Variants in AFF1 observed in about 807,000 individuals in gnomAD.
AFF1 encodes the protein AF4/FMR2 family member 1.
A neutral mutation model predicts 121.7 loss-of-function variants in AFF1; 48 were observed. That is an observed-to-expected ratio of 0.39 (90% CI 0.31 to 0.50). The LOEUF is 0.50. Ranked by LOEUF, AFF1 falls within the 20% of genes least tolerant of loss-of-function variation. The probability of loss-of-function intolerance (pLI) is 0.76; values close to 1 mark genes in which losing one functional copy is unlikely to be tolerated. For synonymous variants in AFF1, 613 were observed against 563.0 expected (o/e 1.09, Z -1.26); for missense variants, 1,523 against 1,511.7 (o/e 1.01, Z -0.12).
At chr4:86,985,109 A>G (rs1312361154) in intron 2 of AFF1, among the ~76,000 whole-genome samples, 1 of 143,382 alleles carries the variant, frequency 7.0e-6, no homozygotes, top group East Asian at 2.0e-4. Context: ...TTATAAATAC[A>G]AATATTAATA....
chr4:87,008,531 T>G (rs1490098566), intron 2 of AFF1, among the ~76,000 whole-genome samples: 1 of 152,194 alleles, frequency 6.6e-6, no homozygotes, highest in South Asian at 2.1e-4. Flanking sequence ...TTTAAGAAAG[T>G]GGTTCTTAAT....
At chr4:87,128,717 G>C (rs1327367368) in intron 16 of AFF1, among the ~76,000 whole-genome samples, 1 of 152,160 alleles carries the variant, frequency 6.6e-6, no homozygotes, top group Non-Finnish European at 1.5e-5. Flanking sequence ...AGATACCCTT[G>C]CATTAGGCAA....
intron 8 of AFF1, among the ~76,000 whole-genome samples, chr4:87,095,510 G>A (rs1045505242): frequency 6.6e-6 from 1 of 152,174 alleles, no homozygotes; most frequent in African/African-American, 2.4e-5. Context: ...GGGTTTTTGA[G>A]CCATTATTTA....
intron 2 of AFF1, among the ~76,000 whole-genome samples, chr4:87,000,039 C>T (rs1578027898): frequency 6.6e-6 from 1 of 152,054 alleles, no homozygotes; most frequent in Non-Finnish European, 1.5e-5. Flanking sequence ...CTCCCAGTGG[C>T]CAAGGCTGGA....
In AFF1 at chr4:87,139,478, C is replaced by A. The variant is rs1051273724; in HGVS notation, c.*3777C>A. The A allele has an allele frequency of 8.6e-6, 2 of 232,174 alleles. No homozygotes were observed. The highest frequency in any genetic ancestry group is 1.1e-4 in the Admixed American group (2 of 17,736). 14.4% of individuals were successfully genotyped at this position (232,174 alleles called of 1,614,324 possible). ...CATTTCATCTGTTTACACTCTTTGC[C>A]ACTGATTAGCAGTATTTAAATCTTG... On this transcript the variant is annotated 3_prime_UTR_variant, in exon 21 of 21. Coordinates refer to ENST00000395146, the MANE Select transcript of AFF1 (RefSeq NM_001166693.3).
At chr4:87,124,108 A>G (rs1269920068) in intron 12 of AFF1, among the ~76,000 whole-genome samples, 1 of 152,248 alleles carries the variant, frequency 6.6e-6, no homozygotes, top group Admixed American at 6.5e-5. Context: ...CTAACAAGTG[A>G]GGCACAAGAA....
chr4:86,996,317 A>G (rs1202260536), intron 2 of AFF1, among the ~76,000 whole-genome samples: 2 of 152,070 alleles, frequency 1.3e-5, no homozygotes, highest in African/African-American at 4.8e-5. Flanking sequence ...GAGAAATCGG[A>G]TGGTTGCTGT....
intron 11 of AFF1, among the ~76,000 whole-genome samples, chr4:87,110,228 G>C (rs1447120717): frequency 2.0e-5 from 3 of 150,480 alleles, no homozygotes; most frequent in African/African-American, 7.3e-5. Context: ...GTATGTAATA[G>C]TTGTATATAT....
chr4:87,037,345 T>C (rs561981559), intron 2 of AFF1, among the ~76,000 whole-genome samples: 1 of 152,224 alleles, frequency 6.6e-6, no homozygotes, highest in South Asian at 2.1e-4. Context: ...GGAGTCTTGC[T>C]CTGTCACCCA....
At chr4:86,958,657 G>T (rs1560501885) in intron 2 of AFF1, among the ~76,000 whole-genome samples, 1 of 152,088 alleles carries the variant, frequency 6.6e-6, no homozygotes, top group African/African-American at 2.4e-5. Context: ...GGCAGAGGTT[G>T]CAGTGAGCCG....
intron 8 of AFF1, among the ~76,000 whole-genome samples, chr4:87,100,311 C>T (rs1417269523): frequency 6.6e-6 from 1 of 152,118 alleles, no homozygotes; most frequent in East Asian, 1.9e-4. Context: ...TAGCAAGGGC[C>T]TCCAAGAACC....
intron 2 of AFF1, chr4:87,006,867 C>G (rs944165647): frequency 2.6e-5 from 20 of 762,772 alleles, no homozygotes; most frequent in Middle Eastern, 6.3e-4. Flanking sequence ...CTGCCGCTTG[C>G]CGCCTGCCTT....
At chr4:86,962,299 T>A (rs970123937) in intron 2 of AFF1, among the ~76,000 whole-genome samples, 13 of 152,062 alleles carry the variant, frequency 8.5e-5, no homozygotes, top group Non-Finnish European at 1.5e-5. Flanking sequence ...TTGAAATCAG[T>A]TAGATCTGGG....
Position 87,125,158 on chromosome 4 carries a change from T to C in AFF1, c.2573+15T>C, listed in dbSNP as rs940529305. On this transcript the variant is annotated intron_variant, in intron 13 of 20. Coordinates refer to ENST00000395146, the MANE Select transcript of AFF1 (RefSeq NM_001166693.3). ...TCTAAAACAAAGTGAGTATAGAGATTAGCAACCACCTAATCTACGGTGATC... is the reference window on the plus strand; with the variant it reads ...TCTAAAACAAAGTGAGTATAGAGATCAGCAACCACCTAATCTACGGTGATC... 2.5e-6 allele frequency: 4 copies of C among 1,592,492 alleles called. No individual in the cohort carries two copies. Among genetic ancestry groups the C allele is most frequent in the Non-Finnish European group, 3.4e-6 (4 of 1,166,662 alleles).
chr4:86,963,124 C>T (rs1722265400), intron 2 of AFF1, among the ~76,000 whole-genome samples: 1 of 120,364 alleles, frequency 8.3e-6, no homozygotes, highest in Non-Finnish European at 1.6e-5. Context: ...TAAGATCACA[C>T]TACTGTACTC....
intron 4 of AFF1, chr4:87,047,963 T>C (rs1217418726): frequency 3.7e-6 from 1 of 267,460 alleles, no homozygotes; most frequent in African/African-American, 2.2e-5. Flanking sequence ...TTCAGGAAGG[T>C]TTTCAGGTGT....
At position 87,037,772 on chromosome 4, in the gene AFF1, G is replaced by A. The variant is rs188258777; in HGVS notation, c.39-8394G>A. On this transcript the variant is annotated intron_variant, in intron 2 of 20. Coordinates refer to ENST00000395146, the MANE Select transcript of AFF1 (RefSeq NM_001166693.3). ...GTCACGTTTGCCCAAGTGTAGAGTC[G>A]TTCTCAATTTAAAACTTGCAGGATG... is the stretch of plus-strand genomic sequence containing the variant. Among the ~76,000 whole-genome samples, 85 of 152,162 alleles carry A rather than the reference G, an allele frequency of 5.6e-4. No individual in the cohort carries two copies. The South Asian group carries it at 8.7e-3, about 16-fold the overall frequency.
At position 87,047,208 on chromosome 4, in the gene AFF1, C is replaced by A. The variant is rs953887016; in HGVS notation, c.673C>A (p.Gln225Lys). Residue 225 changes from glutamine to lysine, a missense_variant, in exon 4 of 21, where the codon CAG becomes AAG. This residue lies in a region of AFF1 where 369 missense variants were observed against 367.2 expected (regional missense o/e 1.00). Transcript: ENST00000395146. Reference sequence around the variant, plus strand: ...CCCTTTGTCACCTATACATTCCAACCAGCAAACTCTTCCCCGGACGCAAGG... The same window carrying A: ...CCCTTTGTCACCTATACATTCCAACAAGCAAACTCTTCCCCGGACGCAAGG... ...VPPLSPIHSN[Q>K]QTLPRTQGSS... 1 of 1,614,040 alleles carries A rather than the reference C, an allele frequency of 6.2e-7. No individual in the cohort carries two copies. Among genetic ancestry groups the A allele is most frequent in the Non-Finnish European group, 8.5e-7 (1 of 1,180,030 alleles).
intron 4 of AFF1, among the ~76,000 whole-genome samples, chr4:87,062,054 G>C (rs1023078653): frequency 6.6e-6 from 1 of 152,094 alleles, no homozygotes; most frequent in African/African-American, 2.4e-5. Flanking sequence ...TTAGACGGCT[G>C]TTCCCAAAAC....
Sources: gnomAD v4.1 joint callset for allele counts (sites outside exome capture counted in the v4.1 genomes callset) on GRCh38, gnomAD v4.1.1 for gene constraint, gnomAD v4.1.1 regional missense constraint, MANE v1.5 for transcripts, NCBI Gene and HGNC (gene_info 2026-07-23, HGNC 2026-07-21) for gene names.